SRGAP3: variants seen among roughly 807,000 people sequenced by gnomAD.
The protein encoded by SRGAP3 is SLIT-ROBO Rho GTPase-activating protein 3.
Under a neutral mutation model 121.1 loss-of-function variants are expected in SRGAP3, and 39 were observed. The ratio of observed to expected loss-of-function variants is 0.32; its 90% confidence interval spans 0.25 to 0.42. The LOEUF (loss-of-function observed/expected upper bound fraction) is 0.42. Among genes scored for constraint, SRGAP3 ranks in the 10% least tolerant of loss-of-function variants. The pLI, the probability that SRGAP3 is intolerant of heterozygous loss-of-function variation, is 1.00. For synonymous variants in SRGAP3, 601 were observed against 570.0 expected (o/e 1.05, Z -0.77); for missense variants, 1,213 against 1,470.6 (o/e 0.82, Z 2.86).
At position 8,985,581 on chromosome 3, in the gene SRGAP3, C is replaced by T; in HGVS notation, c.3238G>A (p.Ala1080Thr). ...SSSSSGVGSPAVTPTEKMFPN... is the reference protein window; with the variant it reads ...SSSSSGVGSPTVTPTEKMFPN... ...AACATCTTCTCGGTGGGCGTCACGG[C>T]CGGGCTGCCCACGCCCGAGCTGCTG... The change falls in exon 22 of 22, where the codon GCC becomes ACC. Residue 1080 changes from alanine (A) to threonine (T), a missense_variant. Physicochemically the swap from Ala to Thr is moderately conservative, Grantham distance 58 (BLOSUM62 0). This residue lies in a region of SRGAP3 where 420 missense variants were observed against 437.7 expected (regional missense o/e 0.96). Coordinates refer to ENST00000383836, the MANE Select transcript of SRGAP3 (RefSeq NM_014850.4). This position sits in a 1 kb window ranked among gnomAD's most constrained non-coding sequence, Gnocchi z 5.1. 6.3e-7 allele frequency: 1 copy of T among 1,596,590 alleles called. No homozygotes were observed. Among genetic ancestry groups the T allele is most frequent in the Non-Finnish European group, 8.5e-7 (1 of 1,178,664 alleles).
At chr3:9,198,473 T>C (rs1339379913) in intron 1 of SRGAP3, among the ~76,000 whole-genome samples, 1 of 152,248 alleles carries the variant, frequency 6.6e-6, no homozygotes, top group Non-Finnish European at 1.5e-5. Context: ...GCCAGCTTCC[T>C]GGACTTACAA....
rs1236811863 is a variant in SRGAP3, at chr3:9,001,578, A to G, written c.2228-7055T>C. Among the ~76,000 whole-genome samples, 5 of 152,330 alleles carry G rather than the reference A, an allele frequency of 3.3e-5. No homozygotes were observed. In the South Asian group the frequency reaches 8.3e-4, roughly 25 times the overall value. On this transcript the variant is annotated intron_variant, in intron 18 of 21. Coordinates refer to ENST00000383836, the MANE Select transcript of SRGAP3 (RefSeq NM_014850.4). ...AAGTAAAATGGCAGACAAAAATCCA[A>G]CTATATAAGTGGTAATATCAAATGT...
chr3:9,096,832 A>C (rs1947985183), intron 3 of SRGAP3, among the ~76,000 whole-genome samples: 1 of 148,406 alleles, frequency 6.7e-6, no homozygotes, highest in African/African-American at 2.5e-5. Flanking sequence ...CATTCTCATT[A>C]AATTTCTTCT....
intron 3 of SRGAP3, among the ~76,000 whole-genome samples, chr3:9,080,464 T>G (rs991432500): frequency 6.6e-6 from 1 of 152,208 alleles, no homozygotes; most frequent in Non-Finnish European, 1.5e-5. Context: ...ACAATCCTCA[T>G]GAATGGCTAC....
At chr3:9,141,389 G>A (rs1306530000) in intron 1 of SRGAP3, among the ~76,000 whole-genome samples, 1 of 152,200 alleles carries the variant, frequency 6.6e-6, no homozygotes, top group Non-Finnish European at 1.5e-5. Context: ...TATGCACATT[G>A]CGGCTACTGC....
intron 3 of SRGAP3, among the ~76,000 whole-genome samples, chr3:9,314,955 G>T (rs1234600898): frequency 6.6e-6 from 1 of 152,186 alleles, no homozygotes; most frequent in Non-Finnish European, 1.5e-5. Flanking sequence ...GACCAGCCTT[G>T]GCATGACCAG....
At chr3:9,125,286 A>C (rs372265637) in intron 1 of SRGAP3, among the ~76,000 whole-genome samples, 20 of 152,236 alleles carry the variant, frequency 1.3e-4, no homozygotes, top group African/African-American at 4.3e-4. Flanking sequence ...CTATCAATAC[A>C]GTAAAGTGAA....
intron 15 of SRGAP3, 134 bp downstream of exon 15, chr3:9,015,463 G>T: frequency 8.5e-7 from 1 of 1,179,126 alleles, no homozygotes; most frequent in Non-Finnish European, 1.2e-6. Context: ...TCCGCTTTCA[G>T]TTCTACGAGG....
At chr3:9,213,160 C>T (rs898688453) in intron 1 of SRGAP3, among the ~76,000 whole-genome samples, 1 of 152,154 alleles carries the variant, frequency 6.6e-6, no homozygotes, top group Non-Finnish European at 1.5e-5. Context: ...ACACTGGAGA[C>T]ACAAATAATG....
At chr3:9,163,913 A>AC (rs1163943363) in intron 1 of SRGAP3, among the ~76,000 whole-genome samples, 1 of 145,352 alleles carries the variant, frequency 6.9e-6, no homozygotes, top group Admixed American at 7.0e-5. Flanking sequence ...TTGAATGCGC[A>AC]CCCACTATTC....
At chr3:9,225,183 C>T (rs1348463184) in intron 1 of SRGAP3, among the ~76,000 whole-genome samples, 2 of 152,160 alleles carry the variant, frequency 1.3e-5, no homozygotes, top group Non-Finnish European at 2.9e-5. Context: ...CAGTGCTTCA[C>T]GTGACACTCA....
At chr3:9,100,530 C>G (rs1423363408) in intron 3 of SRGAP3, among the ~76,000 whole-genome samples, 1 of 152,156 alleles carries the variant, frequency 6.6e-6, no homozygotes, top group Admixed American at 6.5e-5. Flanking sequence ...TACCCTCCTG[C>G]TGCTTGAAAA....
chr3:9,200,203 T>C lies in SRGAP3; in HGVS notation c.67+48682A>G, dbSNP rs187950083. ...AAAGAAAAAGTATGTGTCCTTTATATGTCACCAATATACTTTGTTTTTAAG... is the reference window on the plus strand; with the variant it reads ...AAAGAAAAAGTATGTGTCCTTTATACGTCACCAATATACTTTGTTTTTAAG... On this transcript the variant is annotated intron_variant, in intron 1 of 21. Transcript: ENST00000383836. 9.8e-5 allele frequency among the ~76,000 whole-genome samples: 15 copies of C among 152,358 alleles called. No individual in the cohort carries two copies. The East Asian group carries it at 2.9e-3, about 29-fold the overall frequency.
chr3:9,284,873 T>C (rs73122701), intron 3 of SRGAP3, among the ~76,000 whole-genome samples: 8,152 of 148,558 alleles, frequency 0.055, 754 homozygotes, highest in African/African-American at 0.19. Context: ...CTTGAGGACC[T>C]CGACAGGACC....
chr3:9,004,850 T>C (rs1406313992), intron 18 of SRGAP3, among the ~76,000 whole-genome samples: 1 of 152,204 alleles, frequency 6.6e-6, no homozygotes, highest in Non-Finnish European at 1.5e-5. Flanking sequence ...CTCATGAACT[T>C]GGATTCGGCA....
rs530930175 is a variant in SRGAP3, at chr3:9,064,407, T to G, written c.661A>C (p.Met221Leu). The G allele has an allele frequency of 3.1e-6, 5 of 1,614,178 alleles. No individual in the cohort carries two copies. The South Asian group carries it at 4.4e-5, about 14-fold the overall frequency. ...GGGCCCCCACTCACCTTCTCCTTCA[T>G]CTTCTCAATCTTCTTCACAGAGCTG... ...RRSSVKKIEKMKEKRQAKYSE... is the reference protein window; with the variant it reads ...RRSSVKKIEKLKEKRQAKYSE... Residue 221 changes from methionine (M) to leucine (L), a missense_variant, in exon 5 of 22, where the codon ATG (methionine) becomes CTG (leucine). By Grantham distance (15) the Met-to-Leu change is conservative. Around this residue, in one of 2 missense-constraint regions of SRGAP3, gnomAD observed 793 missense variants for 1,032.9 expected, o/e 0.77. Transcript: ENST00000383836.
chr3:9,102,096 C>T (rs551753872), intron 3 of SRGAP3, among the ~76,000 whole-genome samples: 6 of 152,390 alleles, frequency 3.9e-5, no homozygotes, highest in Admixed American at 6.5e-5. Flanking sequence ...CGCAGCCTCA[C>T]TGCCAGACTG....
At chr3:9,004,449 C>T (rs1690893278) in intron 18 of SRGAP3, among the ~76,000 whole-genome samples, 1 of 152,062 alleles carries the variant, frequency 6.6e-6, no homozygotes, top group South Asian at 2.1e-4. Flanking sequence ...CACAAGAAAC[C>T]CAGAATAGCC....
chr3:8,994,510 G>A lies in SRGAP3; in HGVS notation c.2241C>T (p.Ile747=), dbSNP rs551010146. The A allele has an allele frequency of 3.3e-5, 54 of 1,613,752 alleles. No individual in the cohort carries two copies. The highest frequency in any genetic ancestry group is 2.9e-4 in the East Asian group (13 of 44,878). ...TGTAGTCAAACTTGGCAATAGCCTCGATCTGCTCCACTTCTGGAAGGAAAT... is the reference window on the plus strand; with the variant it reads ...TGTAGTCAAACTTGGCAATAGCCTCAATCTGCTCCACTTCTGGAAGGAAAT... ...PHTSDEEVEQ[I]EAIAKFDYMG... is the part of the protein sequence containing the mutation. Residue 747 remains isoleucine, a synonymous_variant, in exon 19 of 22, where the codon ATC becomes ATT. Transcript: ENST00000383836.
Sources: allele counts gnomAD v4.1 joint callset (sites outside exome capture counted in the v4.1 genomes callset), GRCh38; gene constraint gnomAD v4.1.1; regional missense constraint gnomAD v4.1.1; non-coding constraint Gnocchi (gnomAD v3.1); transcripts MANE v1.5; gene names NCBI Gene and HGNC (gene_info 2026-07-23, HGNC 2026-07-21).